The following GCGR variants were observed in gnomAD, a reference collection of about 807,000 sequenced individuals.
GCGR encodes glucagon receptor.
GCGR carries 41 observed loss-of-function variants against 56.1 expected under a neutral mutation model. The observed-to-expected ratio is 0.73, with a 90% CI of 0.57 to 0.95. The LOEUF (loss-of-function observed/expected upper bound fraction) is 0.95. Ranked by LOEUF, GCGR falls within the 40% of genes least tolerant of loss-of-function variation. GCGR has a pLI of 0.00. For synonymous variants in GCGR, 278 were observed against 271.1 expected, an observed-to-expected ratio of 1.03 and a Z score of -0.25; for missense variants, 595 against 638.2, an observed-to-expected ratio of 0.93 and a Z score of 0.73.
rs1232795692 is a variant in GCGR, at chr17:81,813,607, G to C, written c.1352G>C (p.Gly451Ala). The C allele has an allele frequency of 2.3e-5, 36 of 1,536,456 alleles. No individual in the cohort carries two copies. The highest frequency in any genetic ancestry group is 3.1e-5 in the Non-Finnish European group (36 of 1,146,864). ...HGPPSKELQF[G>A]RGGGSQDSSA... ...CCTCCCAGCAAGGAGCTGCAGTTTG[G>C]GAGGGGTGGTGGCAGCCAGGATTCA... The change falls in exon 14 of 14, where the codon GGG becomes GCG. Residue 451 changes from glycine to alanine, a missense_variant. Coordinates refer to ENST00000400723, the MANE Select transcript of GCGR (RefSeq NM_000160.5). The surrounding 1 kb of genome is among the most constrained non-coding windows in gnomAD (Gnocchi z 5.3).
chr17:81,805,967 G>C (rs553463256), intron 1 of GCGR, among the ~76,000 whole-genome samples: 1 of 152,186 alleles, frequency 6.6e-6, no homozygotes, highest in African/African-American at 2.4e-5. Flanking sequence ...TCTCCTCTCG[G>C]GGGAGAGGGC....
Position 81,810,795 on chromosome 17 carries a change from T to C in GCGR, c.164-30T>C. On this transcript the variant is annotated intron_variant, in intron 3 of 13. Transcript: ENST00000400723. This position sits in a 1 kb window ranked among gnomAD's most constrained non-coding sequence, Gnocchi z 4.6. ...CCCCTTCTCCCACCCTGCCCTGCCC[T>C]GCTCTGCCCTGCCCTACCCTACCCT... The C allele has an allele frequency of 7.5e-7, 1 of 1,328,088 alleles. No individual in the cohort carries two copies. Among genetic ancestry groups the C allele is most frequent in the South Asian group, 1.2e-5 (1 of 80,566 alleles). 82.3% of individuals were successfully genotyped at this position (1,328,088 alleles called of 1,614,324 possible).
In GCGR at chr17:81,811,045, G is replaced by C. The variant is rs779580966; in HGVS notation, c.307G>C (p.Asp103His). Residue 103 changes from aspartate to histidine, a missense_variant, in exon 5 of 14, where the codon GAC becomes CAC. Physicochemically the swap from Asp to His is moderately conservative, Grantham distance 81. Transcript: ENST00000400723. The surrounding 1 kb of genome is among the most constrained non-coding windows in gnomAD (Gnocchi z 5.8). ...CTTCGTGTTCAAGAGATGCGGGCCC[G>C]ACGGTCAGTGGGTGCGTGGACCCCG... ...HRFVFKRCGP[D>H]GQWVRGPRGQ... is the part of the protein sequence containing the mutation. 1 of 1,536,088 alleles carries C rather than the reference G, an allele frequency of 6.5e-7. No individual in the cohort carries two copies.
intron 2 of GCGR, among the ~76,000 whole-genome samples, chr17:81,809,388 TGTCC>T (rs2038034533): frequency 1.5e-5 from 2 of 137,746 alleles, no homozygotes; most frequent in African/African-American, 2.8e-5. Context: ...GCTGCCTGTC[TGTCC>T]GTCTGCCTGT....
At chr17:81,807,659 C>T (rs535934150) in intron 1 of GCGR, among the ~76,000 whole-genome samples, 1 of 152,370 alleles carries the variant, frequency 6.6e-6, no homozygotes, top group East Asian at 1.9e-4. Context: ...CCTCTTATTC[C>T]ATTTGAGGGT....
rs2143112886 is a variant in GCGR, at chr17:81,809,070, G to T, written c.52G>T (p.Ala18Ser). The change falls in exon 2 of 14, where the codon GCC becomes TCC. Residue 18 changes from alanine to serine, a missense_variant. By Grantham distance (99) the Ala-to-Ser change is moderately conservative. Coordinates refer to ENST00000400723, the MANE Select transcript of GCGR (RefSeq NM_000160.5). ...RPLLLLLLLL[A>S]CQPQVPSAQV... Reference sequence around the variant, plus strand: ...CCTGCTGCTGTTGCTGCTGCTGCTGGCCTGCCAGGTGAGGACTCACAGCAC... The same window carrying T: ...CCTGCTGCTGTTGCTGCTGCTGCTGTCCTGCCAGGTGAGGACTCACAGCAC... 3 of 1,535,984 alleles carry T rather than the reference G, an allele frequency of 2.0e-6. No individual in the cohort carries two copies. In the East Asian group the frequency reaches 7.3e-5, roughly 38 times the overall value.
chr17:81,804,479 C>A lies in GCGR; in HGVS notation c.-178+230C>A, dbSNP rs867936923. Reference sequence around the variant, plus strand: ...CGTCGGGCAGGTCCAGGGGTCTCAGCCCCTCCCCCGTTCTCTGGTCCTGGG... The same window carrying A: ...CGTCGGGCAGGTCCAGGGGTCTCAGACCCTCCCCCGTTCTCTGGTCCTGGG... On this transcript the variant is annotated intron_variant, in intron 1 of 13. Transcript: ENST00000400723. This position sits in a 1 kb window ranked among gnomAD's most constrained non-coding sequence, Gnocchi z 8.2. Among the ~76,000 whole-genome samples the A allele has an allele frequency of 6.6e-6, 1 of 151,828 alleles. No individual in the cohort carries two copies. Among genetic ancestry groups the A allele is most frequent in the South Asian group, 2.1e-4 (1 of 4,828 alleles).
chr17:81,808,887 G>A lies in GCGR; in HGVS notation c.-132G>A, dbSNP rs1440932295. The A allele has an allele frequency of 1.8e-6, 2 of 1,122,670 alleles. No homozygotes were observed. Among genetic ancestry groups the A allele is most frequent in the Admixed American group, 2.0e-5 (1 of 49,888 alleles). The allele number at this position is 1,122,670 out of a possible 1,614,324, so 69.5% of individuals were successfully genotyped here. A position where few individuals can be genotyped will look rare whatever the true frequency, so the allele number is the denominator to read the frequency against. On this transcript the variant is annotated 5_prime_UTR_variant, in exon 2 of 14. Transcript: ENST00000400723. The stretch of plus-strand genomic sequence containing the variant: ...CAGCTTCAGGGGAGGACACCCCACT[G>A]GCCAGGACGCCCCAGGCTCTGCTGC...
intron 1 of GCGR, among the ~76,000 whole-genome samples, chr17:81,805,878 C>T (rs1216388778): frequency 6.6e-6 from 1 of 152,124 alleles, no homozygotes; most frequent in African/African-American, 2.4e-5. Flanking sequence ...AGTGGCAGCT[C>T]CACAGCTGGG....
chr17:81,806,079 G>A lies in GCGR; in HGVS notation c.-178+1830G>A, dbSNP rs576272980. On this transcript the variant is annotated intron_variant, in intron 1 of 13. Coordinates refer to ENST00000400723, the MANE Select transcript of GCGR (RefSeq NM_000160.5). This position sits in a 1 kb window ranked among gnomAD's most constrained non-coding sequence, Gnocchi z 6.5. ...CTTGGGAAGTTAAATCGTCGTCCCC[G>A]TCCCAGGACCACAGCAGCCTCAGCC... Among the ~76,000 whole-genome samples the A allele has an allele frequency of 1.3e-5, 2 of 152,166 alleles. No homozygotes were observed. Among genetic ancestry groups the A allele is most frequent in the East Asian group, 1.9e-4 (1 of 5,160 alleles).
chr17:81,805,323 G>C (rs1217499415), intron 1 of GCGR: 1 of 152,994 alleles, frequency 6.5e-6, no homozygotes, highest in Non-Finnish European at 1.5e-5. Context: ...TGCCAGGGAG[G>C]ACATGGGACA....
intron 1 of GCGR, among the ~76,000 whole-genome samples, chr17:81,805,474 C>T (rs945285907): frequency 3.3e-5 from 5 of 152,010 alleles, no homozygotes; most frequent in Admixed American, 2.0e-4. Flanking sequence ...CTAGAGAAGG[C>T]GGGCAGGGCA....
In GCGR at chr17:81,812,072, C is replaced by G; in HGVS notation, c.879-111C>G. The G allele has an allele frequency of 6.6e-7, 1 of 1,508,922 alleles. No homozygotes were observed. The highest frequency in any genetic ancestry group is 8.9e-7 in the Non-Finnish European group (1 of 1,123,156). 93.5% of individuals were successfully genotyped at this position (1,508,922 alleles called of 1,614,324 possible). On this transcript the variant is annotated intron_variant, in intron 9 of 13. Transcript: ENST00000400723. This position sits in a 1 kb window ranked among gnomAD's most constrained non-coding sequence, Gnocchi z 8.5. ...GGGAGGGGGTCATTTGTGACCTTCT[C>G]CCTTCCTTTTCTGAGACCCGAATTA...
rs1158743198 is a variant in GCGR, at chr17:81,811,830, A to G, written c.817+20A>G. On this transcript the variant is annotated intron_variant, in intron 8 of 13. Coordinates refer to ENST00000400723, the MANE Select transcript of GCGR (RefSeq NM_000160.5). The surrounding 1 kb of genome is among the most constrained non-coding windows in gnomAD (Gnocchi z 5.8). ...GCTGGGGTGAGTGGGCTGGCATGAGAGGGGGTTAAGGCAGGCTGACCAAGC... is the reference window on the plus strand; with the variant it reads ...GCTGGGGTGAGTGGGCTGGCATGAGGGGGGGTTAAGGCAGGCTGACCAAGC... 6.5e-7 allele frequency: 1 copy of G among 1,536,608 alleles called. No homozygotes were observed. Among genetic ancestry groups the G allele is most frequent in the Non-Finnish European group, 8.7e-7 (1 of 1,146,762 alleles).
Position 81,812,147 on chromosome 17 carries a change from G to A in GCGR, c.879-36G>A, listed in dbSNP as rs2038115927. On this transcript the variant is annotated intron_variant, in intron 9 of 13. Transcript: ENST00000400723. The surrounding 1 kb of genome is among the most constrained non-coding windows in gnomAD (Gnocchi z 8.5). ...GTGCTGAGGGGCGGAGGGGCTGGGG[G>A]CTGTGCCCCAGTATGTGAGTGGCCT... 4 of 1,535,218 alleles carry A rather than the reference G, an allele frequency of 2.6e-6. No homozygotes were observed. The highest frequency in any genetic ancestry group is 3.5e-6 in the Non-Finnish European group (4 of 1,146,122).
chr17:81,808,456 C>T (rs1287866781), intron 1 of GCGR, among the ~76,000 whole-genome samples: 1 of 151,950 alleles, frequency 6.6e-6, no homozygotes, highest in East Asian at 1.9e-4. Flanking sequence ...GAGCTGCCAG[C>T]CAGCCAGCCC....
Position 81,812,887 on chromosome 17 carries a change from C to T in GCGR, c.1118C>T (p.Ala373Val), listed in dbSNP as rs1182403822. The T allele has an allele frequency of 1.3e-6, 2 of 1,536,116 alleles. No individual in the cohort carries two copies. Among genetic ancestry groups the T allele is most frequent in the East Asian group, 2.4e-5 (1 of 40,904 alleles). ...TTCGCCTTCGTGACGGACGAGCACG[C>T]CCAGGGCACCCTGCGCTCCGCCAAG... The part of the protein sequence containing the change: ...VVFAFVTDEH[A>V]QGTLRSAKLF... Residue 373 changes from alanine (A) to valine (V), a missense_variant, in exon 12 of 14, where the codon GCC (alanine) becomes GTC (valine). Coordinates refer to ENST00000400723, the MANE Select transcript of GCGR (RefSeq NM_000160.5). This position sits in a 1 kb window ranked among gnomAD's most constrained non-coding sequence, Gnocchi z 8.5.
In GCGR at chr17:81,811,982, C is replaced by T. The variant is rs1343711243; in HGVS notation, c.878+36C>T. The stretch of plus-strand genomic sequence containing the variant: ...GCGGCTGGACAGCCTGGGGAGGGAC[C>T]GGGGGGCTGGGGTGCGGCGCTCTGG... On this transcript the variant is annotated intron_variant, in intron 9 of 13. Coordinates refer to ENST00000400723, the MANE Select transcript of GCGR (RefSeq NM_000160.5). The surrounding 1 kb of genome is among the most constrained non-coding windows in gnomAD (Gnocchi z 5.8). The T allele has an allele frequency of 6.2e-6, 9 of 1,454,112 alleles. No individual in the cohort carries two copies. Among genetic ancestry groups the T allele is most frequent in the South Asian group, 2.4e-5 (2 of 82,904 alleles). The allele number at this position is 1,454,112 out of a possible 1,614,324, so 90.1% of individuals were successfully genotyped here.
At position 81,806,978 on chromosome 17, in the gene GCGR, T is replaced by C. The variant is rs1314178708; in HGVS notation, c.-177-1864T>C. On this transcript the variant is annotated intron_variant, in intron 1 of 13. Transcript: ENST00000400723. This position sits in a 1 kb window ranked among gnomAD's most constrained non-coding sequence, Gnocchi z 6.5. Reference sequence around the variant, plus strand: ...CCTGCCCACCTAGCAGTGCCCCTCGTCCAGGGCCCCTCTGGGTTGGGGGTG... The same window carrying C: ...CCTGCCCACCTAGCAGTGCCCCTCGCCCAGGGCCCCTCTGGGTTGGGGGTG... 6.6e-6 allele frequency among the ~76,000 whole-genome samples: 1 copy of C among 152,066 alleles called. No homozygotes were observed. The highest frequency in any genetic ancestry group is 1.5e-5 in the Non-Finnish European group (1 of 67,966).
Sources: allele counts gnomAD v4.1 joint callset (sites outside exome capture counted in the v4.1 genomes callset), GRCh38; gene constraint gnomAD v4.1.1; non-coding constraint Gnocchi (gnomAD v3.1); transcripts MANE v1.5; gene names NCBI Gene and HGNC (gene_info 2026-07-23, HGNC 2026-07-21).